IL1RL1: variants seen among roughly 807,000 people sequenced by gnomAD.
IL1RL1 encodes the protein interleukin 1 receptor like 1, also known as interleukin-1 receptor-like 1.
Under a neutral mutation model 50.9 loss-of-function variants are expected in IL1RL1, and 32 were observed. The ratio of observed to expected loss-of-function variants is 0.63; its 90% CI spans 0.47 to 0.84. The LOEUF (loss-of-function observed/expected upper bound fraction) is 0.84. Ranked by LOEUF, IL1RL1 falls within the 40% of genes least tolerant of loss-of-function variation. The pLI, the probability that IL1RL1 is intolerant of heterozygous loss-of-function variation, is 0.00. For missense variants in IL1RL1, 773 were observed against 662.9 expected, an observed-to-expected ratio of 1.17 and a Z score of -1.82; for synonymous variants, 275 against 236.0, an observed-to-expected ratio of 1.17 and a Z score of -1.51.
At chr2:102,348,986 C>G (rs1573163633) in intron 9 of IL1RL1, 93 bp from the exon 10 acceptor site, 2 of 918,752 alleles carry the variant, frequency 2.2e-6, no homozygotes, top group East Asian at 4.8e-5. Context: ...CATTCACCAA[C>G]AGCCATAAAA....
intron 1 of IL1RL1, among the ~76,000 whole-genome samples, chr2:102,322,283 T>C (rs1415414844): frequency 6.6e-6 from 1 of 152,222 alleles, no homozygotes; most frequent in African/African-American, 2.4e-5. Flanking sequence ...CATTCCACAG[T>C]GCTGTCCTTC....
intron 1 of IL1RL1, among the ~76,000 whole-genome samples, chr2:102,327,785 CT>C (rs1212423606): frequency 1.3e-5 from 2 of 152,190 alleles, no homozygotes; most frequent in African/African-American, 4.8e-5. Context: ...TTCACATACA[CT>C]CTCCCAAGAC....
intron 1 of IL1RL1, among the ~76,000 whole-genome samples, chr2:102,322,827 C>G (rs143255319): frequency 6.6e-6 from 1 of 152,156 alleles, no homozygotes; most frequent in Non-Finnish European, 1.5e-5. Flanking sequence ...TCCACATACT[C>G]TCTAGTTTCC....
At position 102,351,528 on chromosome 2, in the gene IL1RL1, A is replaced by T. The variant is rs1359143516; in HGVS notation, c.1286-8A>T. 4 of 1,607,302 alleles carry T rather than the reference A, an allele frequency of 2.5e-6. No individual in the cohort carries two copies. The highest frequency in any genetic ancestry group is 3.4e-6 in the Non-Finnish European group (4 of 1,175,632). ...ATAAGAAATCTGATCTATTTCTTGT[A>T]TGACTAGATGTAGTCACTGCAGTGG... On this transcript the variant is annotated splice_polypyrimidine_tract_variant and splice_region_variant and intron_variant, in intron 10 of 10. Coordinates refer to ENST00000233954, the MANE Select transcript of IL1RL1 (RefSeq NM_016232.5).
intron 8 of IL1RL1, chr2:102,345,142 A>G (rs1351584142): frequency 1.1e-6 from 1 of 890,018 alleles, no homozygotes; most frequent in Non-Finnish European, 1.3e-6. Flanking sequence ...GCTGTCTACA[A>G]GTCATTGTGC....
At chr2:102,325,019 G>A (rs183594666) in intron 1 of IL1RL1, among the ~76,000 whole-genome samples, 7 of 152,302 alleles carry the variant, frequency 4.6e-5, no homozygotes, top group South Asian at 2.1e-4. Flanking sequence ...CTCCCAGCAC[G>A]CAGCTGGAGA....
chr2:102,342,087 GTT>G (rs1491289218), intron 5 of IL1RL1, 134 bp from the exon 6 acceptor site: 7 of 534,342 alleles, frequency 1.3e-5, no homozygotes, highest in East Asian at 9.6e-5. Flanking sequence ...GTGTGTGTGT[GTT>G]TGTCATTATG....
At chr2:102,347,489 T>C (rs13028993) in intron 8 of IL1RL1, among the ~76,000 whole-genome samples, 20,900 of 152,192 alleles carry the variant, frequency 0.14, 1,663 homozygotes, top group Middle Eastern at 0.33. Context: ...GGTTATTCCA[T>C]TTCCTCAGAA....
At chr2:102,339,851 T>A (rs1677473121) in intron 3 of IL1RL1, among the ~76,000 whole-genome samples, 1 of 152,178 alleles carries the variant, frequency 6.6e-6, no homozygotes, top group Admixed American at 6.5e-5. Context: ...TTACAGCAGA[T>A]GTAGTGTATG....
At chr2:102,324,094 C>T (rs1234933889) in intron 1 of IL1RL1, among the ~76,000 whole-genome samples, 1 of 145,982 alleles carries the variant, frequency 6.9e-6, no homozygotes, top group African/African-American at 2.5e-5. Context: ...GGTCATTGGT[C>T]TTGTTTCCAG....
chr2:102,346,098 C>G, intron 8 of IL1RL1: 1 of 949,824 alleles, frequency 1.1e-6, no homozygotes, highest in Non-Finnish European at 1.3e-6. Flanking sequence ...ATTACTACTG[C>G]TATTGAGTTG....
At chr2:102,334,629 C>G (rs1484257532) in intron 1 of IL1RL1, among the ~76,000 whole-genome samples, 1 of 152,066 alleles carries the variant, frequency 6.6e-6, no homozygotes, top group Non-Finnish European at 1.5e-5. Flanking sequence ...TTGTGAGAGT[C>G]ACTGAATGAG....
rs1559609161 is a variant in IL1RL1 at position 102,351,553 on chromosome 2, G to A, written c.1303G>A (p.Glu435Lys). Residue 435 changes from glutamate to lysine, a missense_variant, in exon 11 of 11, where the codon GAA becomes AAA. Physicochemically the swap from Glu to Lys is moderately conservative, Grantham distance 56 (BLOSUM62 1). Coordinates refer to ENST00000233954, the MANE Select transcript of IL1RL1 (RefSeq NM_016232.5). ...LPGEDVVTAV[E>K]TNIRKSRRHI... is the part of the protein sequence containing the mutation. ...ATGACTAGATGTAGTCACTGCAGTGGAAACCAACATACGAAAGAGCAGGCG... is the reference window on the plus strand; with the variant it reads ...ATGACTAGATGTAGTCACTGCAGTGAAAACCAACATACGAAAGAGCAGGCG... 2.5e-6 allele frequency: 4 copies of A among 1,613,966 alleles called. No homozygotes were observed. The highest frequency in any genetic ancestry group is 3.4e-6 in the Non-Finnish European group (4 of 1,179,914).
Position 102,343,125 on chromosome 2 carries a change from A to T in IL1RL1, c.772A>T (p.Ile258Phe). ...AVLWQLNGTK[I>F]TDFGEPRIQQ... The stretch of plus-strand genomic sequence containing the variant: ...CCTGTGGCAGCTTAATGGAACAAAA[A>T]TTACAGACTTTGGTGAACCAAGAAT... The change falls in exon 7 of 11, where the codon ATT becomes TTT. Residue 258 changes from isoleucine to phenylalanine, a missense_variant. Physicochemically the swap from Ile to Phe is conservative, Grantham distance 21. Coordinates refer to ENST00000233954, the MANE Select transcript of IL1RL1 (RefSeq NM_016232.5). 6.2e-7 allele frequency: 1 copy of T among 1,614,178 alleles called. No homozygotes were observed. The highest frequency in any genetic ancestry group is 8.5e-7 in the Non-Finnish European group (1 of 1,180,018).
chr2:102,346,867 T>C (rs1011917260), intron 8 of IL1RL1, among the ~76,000 whole-genome samples: 6 of 152,316 alleles, frequency 3.9e-5, no homozygotes, highest in Non-Finnish European at 8.8e-5. Context: ...AGCCCATGCA[T>C]GGAGACTTAA....
At chr2:102,323,305 TGG>T (rs1676894358) in intron 1 of IL1RL1, among the ~76,000 whole-genome samples, 2 of 149,500 alleles carry the variant, frequency 1.3e-5, no homozygotes, top group Admixed American at 6.7e-5. Flanking sequence ...TATATATATA[TGG>T]TGTATATAAT....
chr2:102,346,708 A>G (rs192871036), intron 8 of IL1RL1, among the ~76,000 whole-genome samples: 34 of 152,284 alleles, frequency 2.2e-4, no homozygotes, highest in Non-Finnish European at 3.1e-4. Context: ...CTCTTTGTCA[A>G]TTTTCACTTT....
rs563828473 is a variant in IL1RL1, at chr2:102,316,285, T to A, written c.-150+4662T>A. ...TGTCTGTCCCTGAGCTGAGATATGC[T>A]AATTTACCTTAAATCTTTCCATAAA... On this transcript the variant is annotated intron_variant, in intron 1 of 10. Coordinates refer to ENST00000233954, the MANE Select transcript of IL1RL1 (RefSeq NM_016232.5). 1.9e-4 allele frequency among the ~76,000 whole-genome samples: 29 copies of A among 152,350 alleles called. No individual in the cohort carries two copies. In the Middle Eastern group the frequency reaches 0.01, roughly 54 times the overall value.
chr2:102,338,771 G>A, intron 2 of IL1RL1, 66 bp from the exon 3 acceptor site: 1 of 1,209,574 alleles, frequency 8.3e-7, no homozygotes, highest in Non-Finnish European at 1.2e-6. Context: ...AAAATATTGA[G>A]AGTATAAGAA....
Sources: allele counts gnomAD v4.1 joint callset (sites outside exome capture counted in the v4.1 genomes callset), GRCh38; gene constraint gnomAD v4.1.1; transcripts MANE v1.5; gene names NCBI Gene and HGNC (gene_info 2026-07-23, HGNC 2026-07-21).